The following BNC2 variants were observed in gnomAD, a reference collection of about 807,000 sequenced individuals.
BNC2 encodes the protein zinc finger protein basonuclin-2.
BNC2 carries 20 observed loss-of-function variants against 76.3 expected under a neutral mutation model. That is an observed-to-expected ratio of 0.26 (90% CI 0.18 to 0.38). The LOEUF is 0.38. BNC2 is among the 10% of genes least tolerant of loss of function. BNC2 has a pLI of 1.00. For synonymous variants in BNC2, 582 were observed against 514.8 expected (o/e 1.13, Z -1.77); for missense variants, 1,382 against 1,399.8 (o/e 0.99, Z 0.20).
chr9:16,771,874 T>C (rs1397845588), intron 1 of BNC2, among the ~76,000 whole-genome samples: 2 of 152,192 alleles, frequency 1.3e-5, no homozygotes, highest in African/African-American at 2.4e-5. Context: ...TTTCCAACAT[T>C]GAAATATTTT....
At chr9:16,830,201 C>A (rs1818549489) in intron 1 of BNC2, among the ~76,000 whole-genome samples, 1 of 152,192 alleles carries the variant, frequency 6.6e-6, no homozygotes, top group Admixed American at 6.5e-5. Context: ...AAACAAAAAA[C>A]AAAACTGCAT....
chr9:16,454,417 C>T (rs1177919044), intron 5 of BNC2, among the ~76,000 whole-genome samples: 6 of 152,184 alleles, frequency 3.9e-5, no homozygotes, highest in Admixed American at 3.9e-4. Flanking sequence ...ACTCTTGGCT[C>T]AGCCTCTCAA....
intron 1 of BNC2, among the ~76,000 whole-genome samples, chr9:16,826,817 T>C (rs1288412671): frequency 1.3e-5 from 2 of 152,062 alleles, no homozygotes; most frequent in Non-Finnish European, 2.9e-5. Context: ...AAATGATGGA[T>C]GGATAGATGG....
chr9:16,828,289 T>A (rs1356815053), intron 1 of BNC2, among the ~76,000 whole-genome samples: 1 of 152,208 alleles, frequency 6.6e-6, no homozygotes, highest in African/African-American at 2.4e-5. Flanking sequence ...CTGATTATAT[T>A]TTATAGAAAA....
intron 5 of BNC2, among the ~76,000 whole-genome samples, chr9:16,470,409 G>C (rs1463291297): frequency 6.6e-6 from 1 of 152,216 alleles, no homozygotes; most frequent in Non-Finnish European, 1.5e-5. Context: ...GCCAGATGCA[G>C]AAATTTGCAT....
At chr9:16,718,833 T>A (rs1266393227) in intron 3 of BNC2, among the ~76,000 whole-genome samples, 1 of 152,122 alleles carries the variant, frequency 6.6e-6, no homozygotes, top group Non-Finnish European at 1.5e-5. Context: ...ATACATAGAA[T>A]TAAGTCACCT....
chr9:16,753,703 A>C (rs1333840326), intron 1 of BNC2, among the ~76,000 whole-genome samples: 1 of 152,266 alleles, frequency 6.6e-6, no homozygotes, highest in Non-Finnish European at 1.5e-5. Flanking sequence ...CAGCAAGCCC[A>C]GTATGTCCCT....
intron 5 of BNC2, among the ~76,000 whole-genome samples, chr9:16,492,519 G>A (rs1470443049): frequency 1.3e-5 from 2 of 152,094 alleles, no homozygotes; most frequent in Non-Finnish European, 2.9e-5. Context: ...ATTTTCTACT[G>A]CATATGATTT....
intron 5 of BNC2, among the ~76,000 whole-genome samples, chr9:16,524,203 G>A (rs1817720026): frequency 1.3e-5 from 2 of 152,218 alleles, no homozygotes; most frequent in South Asian, 4.1e-4. Flanking sequence ...AGAGTTGACT[G>A]TGACCCCTTT....
intron 5 of BNC2, among the ~76,000 whole-genome samples, chr9:16,485,324 T>A (rs1400566337): frequency 1.3e-5 from 2 of 152,190 alleles, no homozygotes; most frequent in African/African-American, 4.8e-5. Context: ...TGGGCTTTCA[T>A]CCTGCTCTGA....
rs1248828424 is a variant in BNC2, at chr9:16,413,932, T to C, written c.*5057A>G. 1.7e-4 allele frequency: 26 copies of C among 152,238 alleles called. No individual in the cohort carries two copies. The allele number at this position is 152,238 out of a possible 1,614,324, so 9.4% of individuals were successfully genotyped here. On this transcript the variant is annotated 3_prime_UTR_variant, in exon 7 of 7. Coordinates refer to ENST00000380672, the MANE Select transcript of BNC2 (RefSeq NM_017637.6). ...TGATCAAGAAAGGAACGATCCATGC[T>C]GGTGCCATTCGCACCTACTCCTCTG...
At chr9:16,678,273 T>C (rs1043638332) in intron 3 of BNC2, among the ~76,000 whole-genome samples, 9 of 119,280 alleles carry the variant, frequency 7.5e-5, no homozygotes, top group South Asian at 3.5e-4. Context: ...TTTTCTTTTT[T>C]TTTTTTTTTT....
chr9:16,440,857 T>C (rs577636305), intron 5 of BNC2, among the ~76,000 whole-genome samples: 2 of 152,362 alleles, frequency 1.3e-5, no homozygotes, highest in Admixed American at 1.3e-4. Flanking sequence ...ACTTTGCTAG[T>C]TCCTGAATCA....
At chr9:16,553,327 T>C (rs2132548155) in intron 4 of BNC2, among the ~76,000 whole-genome samples, 1 of 152,252 alleles carries the variant, frequency 6.6e-6, no homozygotes, top group East Asian at 1.9e-4. Context: ...CTGACATCTG[T>C]GTGGAGGGCT....
In BNC2 at chr9:16,831,910, T is replaced by C. The variant is rs73420790; in HGVS notation, c.3+38736A>G. Among the ~76,000 whole-genome samples, 926 of 152,292 alleles carry C rather than the reference T, an allele frequency of 6.1e-3. 8 individuals are homozygous for C. The highest frequency in any genetic ancestry group is 0.019 in the African/African-American group (792 of 41,570). On this transcript the variant is annotated intron_variant, in intron 1 of 6. Coordinates refer to ENST00000380672, the MANE Select transcript of BNC2 (RefSeq NM_017637.6). The stretch of plus-strand genomic sequence containing the variant: ...TTATAACATGCACAGGCTATTAGAT[T>C]TGCACTCCTATCAACCAAGATCTAG...
intron 5 of BNC2, among the ~76,000 whole-genome samples, chr9:16,458,776 C>T (rs1284699336): frequency 6.6e-6 from 1 of 152,248 alleles, no homozygotes; most frequent in Non-Finnish European, 1.5e-5. Flanking sequence ...TAAGCACTCA[C>T]TATGTGCCGG....
chr9:16,696,045 A>G (rs1245406744), intron 3 of BNC2, among the ~76,000 whole-genome samples: 1 of 152,088 alleles, frequency 6.6e-6, no homozygotes, highest in East Asian at 1.9e-4. Context: ...TGCCCTTTCA[A>G]TCCCCTCAGC....
chr9:16,523,485 A>AAC (rs1370184548), intron 5 of BNC2, among the ~76,000 whole-genome samples: 7 of 126,296 alleles, frequency 5.5e-5, no homozygotes, highest in African/African-American at 7.5e-5. Flanking sequence ...CAAAAAAAAA[A>AAC]AACAAAACAA....
At chr9:16,665,472 AAGAAAGAAAGAAAGAAAGAG>A (rs1449222811) in intron 3 of BNC2, among the ~76,000 whole-genome samples, 55 of 126,364 alleles carry the variant, frequency 4.4e-4, no homozygotes, top group African/African-American at 1.7e-3. Context: ...GAAAGAAAGA[AAGAAAGAAAGAAAGAAAGAG>A]AGAGAGAGAA....
Sources: allele counts gnomAD v4.1 joint callset (sites outside exome capture counted in the v4.1 genomes callset), GRCh38; gene constraint gnomAD v4.1.1; transcripts MANE v1.5; gene names NCBI Gene and HGNC (gene_info 2026-07-23, HGNC 2026-07-21).